Variants in AKAP6 observed in about 807,000 individuals in gnomAD.
AKAP6 encodes the protein A-kinase anchoring protein 6.
A neutral mutation model predicts 188.5 loss-of-function variants in AKAP6; 58 were observed. That is an observed-to-expected ratio of 0.31 (90% CI 0.25 to 0.38). AKAP6 has a LOEUF of 0.38. Ranked by LOEUF, AKAP6 falls within the 10% of genes least tolerant of loss-of-function variation. AKAP6 has a pLI of 1.00. For synonymous variants in AKAP6, 989 were observed against 998.6 expected (o/e 0.99, Z 0.18); for missense variants, 2,710 against 2,740.0 (o/e 0.99, Z 0.24).
chr14:32,356,324 C>T (rs1566461327), intron 1 of AKAP6, among the ~76,000 whole-genome samples: 1 of 152,092 alleles, frequency 6.6e-6, no homozygotes, highest in Non-Finnish European at 1.5e-5. Context: ...CCATGTCTTG[C>T]GGACTCACAG....
intron 2 of AKAP6, among the ~76,000 whole-genome samples, chr14:32,514,714 A>T (rs576206730): frequency 6.6e-6 from 1 of 152,228 alleles, no homozygotes. Context: ...ATCTTAAATG[A>T]CTGTAATGAA....
At chr14:32,780,146 G>GA (rs368489978) in intron 12 of AKAP6, among the ~76,000 whole-genome samples, 16,932 of 103,134 alleles carry the variant, frequency 0.16, 1,482 homozygotes, top group African/African-American at 0.19. Flanking sequence ...AAAAGAAATT[G>GA]AAAAAAAAAA....
chr14:32,625,094 A>G (rs1468648202), intron 7 of AKAP6, among the ~76,000 whole-genome samples: 1 of 152,126 alleles, frequency 6.6e-6, no homozygotes, highest in Non-Finnish European at 1.5e-5. Context: ...CCTGCAAAGC[A>G]TATTAAAATT....
chr14:32,737,470 G>A (rs1291984617), intron 11 of AKAP6, among the ~76,000 whole-genome samples: 1 of 152,072 alleles, frequency 6.6e-6, no homozygotes, highest in Non-Finnish European at 1.5e-5. Flanking sequence ...ATTATAATTG[G>A]TAATAAGCAT....
intron 7 of AKAP6, among the ~76,000 whole-genome samples, chr14:32,667,063 A>C (rs1331169910): frequency 2.0e-5 from 3 of 152,106 alleles, no homozygotes; most frequent in African/African-American, 7.2e-5. Context: ...CAGAAAATGC[A>C]TGGAGAAATA....
At chr14:32,355,253 GTA>G (rs1887440335) in intron 1 of AKAP6, among the ~76,000 whole-genome samples, 2 of 110,514 alleles carry the variant, frequency 1.8e-5, no homozygotes, top group Non-Finnish European at 4.3e-5. Context: ...TTTTCTTATA[GTA>G]TAGACCATGT....
intron 13 of AKAP6, among the ~76,000 whole-genome samples, chr14:32,828,460 T>C (rs752487707): frequency 6.6e-6 from 1 of 152,024 alleles, no homozygotes; most frequent in Non-Finnish European, 1.5e-5. Context: ...TAACTAGCCC[T>C]GCTATGCTAA....
chr14:32,599,947 T>C (rs1885856631), intron 6 of AKAP6, among the ~76,000 whole-genome samples: 2 of 152,234 alleles, frequency 1.3e-5, no homozygotes, highest in South Asian at 4.1e-4. Flanking sequence ...CAAGAACATT[T>C]TGCATGTTCT....
chr14:32,722,183 A>G (rs1400115589), intron 9 of AKAP6, among the ~76,000 whole-genome samples: 1 of 151,996 alleles, frequency 6.6e-6, no homozygotes, highest in Non-Finnish European at 1.5e-5. Flanking sequence ...CAACAGCTTG[A>G]CCCTTGGGGA....
chr14:32,626,492 A>G (rs1407634667), intron 7 of AKAP6, among the ~76,000 whole-genome samples: 3 of 151,986 alleles, frequency 2.0e-5, no homozygotes, highest in Admixed American at 6.6e-5. Context: ...GATGTTGACA[A>G]TTTTCCTTGA....
Position 32,492,337 on chromosome 14 carries a change from A to AATATATATATATATATATATAT in AKAP6, c.325-43198_325-43197insTATATATATATATATATATATA, listed in dbSNP as rs148154496. Among the ~76,000 whole-genome samples the AATATATATATATATATATATAT allele has an allele frequency of 1.1e-3, 83 of 76,614 alleles. 1 individual carries two copies. Among genetic ancestry groups the AATATATATATATATATATATAT allele is most frequent in the South Asian group, 2.4e-3 (3 of 1,230 alleles). The allele number at this position is 76,614 out of a possible 152,430, so 50.3% of individuals were successfully genotyped here. On this transcript the variant is annotated intron_variant, in intron 2 of 13. Coordinates refer to ENST00000280979, the MANE Select transcript of AKAP6 (RefSeq NM_004274.5). ...CACTGTGCTTCTCAAACTACATTGT[A>AATATATATATATATATATATAT]ATATATATATATATATATAGAGAGA...
chr14:32,725,570 C>T (rs148724570), intron 9 of AKAP6, among the ~76,000 whole-genome samples: 1 of 152,006 alleles, frequency 6.6e-6, no homozygotes. Context: ...GAGTTGCAGA[C>T]TAGCAATATC....
At chr14:32,576,729 A>G (rs189350202) in intron 4 of AKAP6, among the ~76,000 whole-genome samples, 35 of 152,230 alleles carry the variant, frequency 2.3e-4, no homozygotes, top group African/African-American at 8.4e-4. Flanking sequence ...CCTGTAAAGG[A>G]TTTGGCAATC....
At chr14:32,658,472 G>A (rs1397613386) in intron 7 of AKAP6, among the ~76,000 whole-genome samples, 1 of 152,052 alleles carries the variant, frequency 6.6e-6, no homozygotes, top group Non-Finnish European at 1.5e-5. Context: ...TAACTTTGCA[G>A]TTTTTTGTGA....
chr14:32,764,903 T>C (rs76163796), intron 11 of AKAP6, among the ~76,000 whole-genome samples: 3,048 of 151,998 alleles, frequency 0.02, 92 homozygotes, highest in African/African-American at 0.069. Flanking sequence ...TCCCAATGAT[T>C]ATAGGCTATT....
At chr14:32,551,253 G>C (rs1305999858) in intron 4 of AKAP6, among the ~76,000 whole-genome samples, 1 of 152,088 alleles carries the variant, frequency 6.6e-6, no homozygotes, top group Non-Finnish European at 1.5e-5. Flanking sequence ...TCTTCTCAGA[G>C]AGGACTACTC....
chr14:32,647,424 GA>G (rs1284578485), intron 7 of AKAP6, among the ~76,000 whole-genome samples: 1 of 152,030 alleles, frequency 6.6e-6, no homozygotes, highest in Non-Finnish European at 1.5e-5. Flanking sequence ...TAACTGGTAA[GA>G]AAAATAAGAG....
At chr14:32,517,239 A>T (rs138428773) in intron 2 of AKAP6, among the ~76,000 whole-genome samples, 1 of 152,340 alleles carries the variant, frequency 6.6e-6, no homozygotes, top group African/African-American at 2.4e-5. Context: ...TAGTTGATAA[A>T]GGGAAGCATC....
At chr14:32,559,185 C>CT (rs1428333465) in intron 4 of AKAP6, among the ~76,000 whole-genome samples, 2 of 152,090 alleles carry the variant, frequency 1.3e-5, no homozygotes, top group Non-Finnish European at 2.9e-5. Context: ...TTCTCTAGAT[C>CT]AGGGCTACAA....
Sources: allele counts gnomAD v4.1 joint callset (sites outside exome capture counted in the v4.1 genomes callset), GRCh38; gene constraint gnomAD v4.1.1; transcripts MANE v1.5; gene names NCBI Gene and HGNC (gene_info 2026-07-23, HGNC 2026-07-21).